PLD5: variants seen among roughly 807,000 people sequenced by gnomAD.
PLD5 encodes the protein phospholipase D family member 5, also known as inactive phospholipase D5.
PLD5 carries 36 observed loss-of-function variants against 61.1 expected under a neutral mutation model. That is an observed-to-expected ratio of 0.59 (90% CI 0.45 to 0.78). The LOEUF is 0.78. Among genes scored for constraint, PLD5 ranks in the 30% least tolerant of loss-of-function variants. PLD5 has a pLI of 0.00. For missense variants in PLD5, 515 were observed against 644.4 expected (o/e 0.80, Z 2.17); for synonymous variants, 243 against 242.8 (o/e 1.00, Z -0.01).
chr1:242,328,348 CAT>C (rs1309898488), intron 2 of PLD5, among the ~76,000 whole-genome samples: 8 of 151,904 alleles, frequency 5.3e-5, no homozygotes, highest in East Asian at 3.9e-4. Context: ...GTGTGTTCTA[CAT>C]GTGTGTTCTA....
In PLD5 at chr1:242,273,787, A is replaced by G. The variant is rs146950507; in HGVS notation, c.496-8339T>C. 8.3e-3 allele frequency among the ~76,000 whole-genome samples: 1,260 copies of G among 152,344 alleles called. 13 individuals are homozygous for G. Among genetic ancestry groups the G allele is most frequent in the African/African-American group, 0.027 (1,134 of 41,584 alleles). On this transcript the variant is annotated intron_variant, in intron 3 of 9. Coordinates refer to ENST00000536534, the MANE Select transcript of PLD5 (RefSeq NM_001372062.1). ...GATGGGCAAAAGGGGATTTGACACA[A>G]CTAGAGGAGAAGACACTGTGAAGAT...
chr1:242,160,413 C>CATCACTGAGTTGT (rs1665731831), intron 5 of PLD5, among the ~76,000 whole-genome samples: 1 of 152,096 alleles, frequency 6.6e-6, no homozygotes, highest in Non-Finnish European at 1.5e-5. Flanking sequence ...CTAACTCAAC[C>CATCACTGAGTTGT]ATCACTGAGT....
rs150616007 is a variant in PLD5, at chr1:242,498,453, G to A, written c.189+25635C>T. 6.6e-5 allele frequency among the ~76,000 whole-genome samples: 10 copies of A among 152,148 alleles called. No individual in the cohort carries two copies. In the East Asian group the frequency reaches 1.9e-3, roughly 29 times the overall value. ...TGTAGTCCTCTATTATAAACATACA[G>A]GTTATAGAAAATGTACAAAATACAT... On this transcript the variant is annotated intron_variant, in intron 1 of 9. Transcript: ENST00000536534.
chr1:242,423,897 A>G lies in PLD5; in HGVS notation c.190-75655T>C, dbSNP rs79577382. On this transcript the variant is annotated intron_variant, in intron 1 of 9. Coordinates refer to ENST00000536534, the MANE Select transcript of PLD5 (RefSeq NM_001372062.1). Reference sequence around the variant, plus strand: ...CTCTAACACACAGGGGCAATGGTTTATTTTCATACTGCCATCATTGTCTGA... The same window carrying G: ...CTCTAACACACAGGGGCAATGGTTTGTTTTCATACTGCCATCATTGTCTGA... Among the ~76,000 whole-genome samples, 291 of 152,296 alleles carry G rather than the reference A, an allele frequency of 1.9e-3. 1 individual carries two copies. Among genetic ancestry groups the G allele is most frequent in the Middle Eastern group, 0.014 (4 of 294 alleles).
At chr1:242,413,093 C>T (rs147303262) in intron 1 of PLD5, among the ~76,000 whole-genome samples, 5 of 152,122 alleles carry the variant, frequency 3.3e-5, no homozygotes, top group East Asian at 3.9e-4. Context: ...TTCCCGAGGG[C>T]GCCTTCCGCT....
intron 5 of PLD5, among the ~76,000 whole-genome samples, chr1:242,204,235 T>A (rs1669178228): frequency 6.7e-6 from 1 of 150,204 alleles, no homozygotes; most frequent in Admixed American, 6.6e-5. Flanking sequence ...AGAGCGAGAC[T>A]CTTGTCTCAA....
At chr1:242,177,038 C>T (rs577847984) in intron 5 of PLD5, among the ~76,000 whole-genome samples, 15 of 152,182 alleles carry the variant, frequency 9.9e-5, no homozygotes, top group African/African-American at 3.4e-4. Context: ...GGATCTAGAA[C>T]CAGAAATACC....
At chr1:242,187,527 TAAA>T (rs1283838004) in intron 5 of PLD5, among the ~76,000 whole-genome samples, 1 of 152,192 alleles carries the variant, frequency 6.6e-6, no homozygotes, top group African/African-American at 2.4e-5. Flanking sequence ...AATATATAAA[TAAA>T]AATCTATATG....
intron 1 of PLD5, among the ~76,000 whole-genome samples, chr1:242,441,975 T>C (rs1314452351): frequency 6.6e-6 from 1 of 152,228 alleles, no homozygotes; most frequent in Admixed American, 6.5e-5. Context: ...TGCAGCTGTT[T>C]CCAGTACATT....
In PLD5 at chr1:242,114,155, A is replaced by C. The variant is rs1198892092; in HGVS notation, c.934-129T>G. Reference sequence around the variant, plus strand: ...TGCAAACCTAATTTCTGCTTCATCAAATTAGACAAAGATATTTTCAATCTT... The same window carrying C: ...TGCAAACCTAATTTCTGCTTCATCACATTAGACAAAGATATTTTCAATCTT... On this transcript the variant is annotated intron_variant, in intron 6 of 9. Transcript: ENST00000536534. 4 of 953,950 alleles carry C rather than the reference A, an allele frequency of 4.2e-6. No homozygotes were observed. The East Asian group carries it at 7.8e-5, about 19-fold the overall frequency. The allele number at this position is 953,950 out of a possible 1,614,324, so 59.1% of individuals were successfully genotyped here.
At chr1:242,153,666 T>G (rs994884154) in intron 5 of PLD5, among the ~76,000 whole-genome samples, 5 of 152,166 alleles carry the variant, frequency 3.3e-5, no homozygotes, top group African/African-American at 1.2e-4. Context: ...GGGTTGTAGA[T>G]GTGTGGTATT....
At chr1:242,379,427 A>G (rs1448644936) in intron 1 of PLD5, among the ~76,000 whole-genome samples, 1 of 152,118 alleles carries the variant, frequency 6.6e-6, no homozygotes, top group Non-Finnish European at 1.5e-5. Context: ...TAAATTTGGG[A>G]ATGGGGGCAC....
chr1:242,380,045 A>T (rs1157625024), intron 1 of PLD5, among the ~76,000 whole-genome samples: 1 of 152,144 alleles, frequency 6.6e-6, no homozygotes, highest in Admixed American at 6.6e-5. Flanking sequence ...ATTATCTGTG[A>T]TTTTCATGAG....
intron 5 of PLD5, among the ~76,000 whole-genome samples, chr1:242,207,295 C>T (rs975973106): frequency 6.6e-6 from 1 of 152,174 alleles, no homozygotes; most frequent in African/African-American, 2.4e-5. Flanking sequence ...CATCAGCCCG[C>T]TCCCCGCTTT....
intron 5 of PLD5, among the ~76,000 whole-genome samples, chr1:242,139,979 G>T (rs1390196079): frequency 2.0e-5 from 3 of 152,180 alleles, no homozygotes; most frequent in African/African-American, 7.2e-5. Flanking sequence ...CTTGCAACTA[G>T]GAAAAGTGGA....
At chr1:242,101,644 C>T (rs1350188237) in intron 8 of PLD5, among the ~76,000 whole-genome samples, 5 of 152,032 alleles carry the variant, frequency 3.3e-5, no homozygotes, top group Non-Finnish European at 7.4e-5. Flanking sequence ...GCTATAGAAT[C>T]GTGTATTTAA....
intron 1 of PLD5, among the ~76,000 whole-genome samples, chr1:242,481,893 C>T (rs1402037148): frequency 1.3e-5 from 2 of 152,204 alleles, no homozygotes; most frequent in Admixed American, 1.3e-4. Context: ...GCAACATTTG[C>T]TGTTCACCAG....
At chr1:242,448,887 C>G (rs552542522) in intron 1 of PLD5, among the ~76,000 whole-genome samples, 20 of 152,276 alleles carry the variant, frequency 1.3e-4, no homozygotes, top group African/African-American at 4.6e-4. Context: ...CTTAATGCCT[C>G]CAGTAAACAG....
At chr1:242,331,652 C>T (rs1358961592) in intron 2 of PLD5, among the ~76,000 whole-genome samples, 1 of 152,184 alleles carries the variant, frequency 6.6e-6, no homozygotes, top group Non-Finnish European at 1.5e-5. Context: ...TTTAATATTA[C>T]ATTTCCAGGC....
Sources: allele counts gnomAD v4.1 joint callset (sites outside exome capture counted in the v4.1 genomes callset), GRCh38; gene constraint gnomAD v4.1.1; transcripts MANE v1.5; gene names NCBI Gene and HGNC (gene_info 2026-07-23, HGNC 2026-07-21).